Variants in CHN1 observed in about 807,000 individuals in gnomAD.
The protein encoded by CHN1 is chimerin 1.
Under a neutral mutation model 59.5 loss-of-function variants are expected in CHN1, and 37 were observed. The ratio of observed to expected loss-of-function variants is 0.62; its 90% CI spans 0.48 to 0.82. The LOEUF is 0.82. CHN1 is among the 40% of genes least tolerant of loss of function. The probability of loss-of-function intolerance (pLI) is 0.00; values close to 1 mark genes in which losing one functional copy is unlikely to be tolerated. For synonymous variants in CHN1, 206 were observed against 200.4 expected (o/e 1.03, Z -0.24); for missense variants, 469 against 571.0 (o/e 0.82, Z 1.82).
At chr2:174,993,352 T>C (rs1416588242) in intron 1 of CHN1, among the ~76,000 whole-genome samples, 1 of 152,180 alleles carries the variant, frequency 6.6e-6, no homozygotes, top group Non-Finnish European at 1.5e-5. Context: ...ATGATTATCT[T>C]AAATACAATC....
intron 4 of CHN1, 103 bp downstream of exon 4, chr2:174,918,431 C>A: frequency 1.2e-6 from 1 of 835,942 alleles, no homozygotes; most frequent in East Asian, 3.2e-5. Context: ...GCAACTCCAC[C>A]AAACTTGAAT....
intron 5 of CHN1, among the ~76,000 whole-genome samples, chr2:174,898,149 T>C (rs964790508): frequency 2.0e-5 from 3 of 152,100 alleles, no homozygotes; most frequent in African/African-American, 7.2e-5. Context: ...GTCTGGTGCC[T>C]TGCAGCTACC....
chr2:174,970,379 G>T (rs1457674366), intron 1 of CHN1, among the ~76,000 whole-genome samples: 1 of 152,136 alleles, frequency 6.6e-6, no homozygotes, highest in Non-Finnish European at 1.5e-5. Flanking sequence ...TCCAGAATAA[G>T]CAAAGTAAGC....
At chr2:174,946,100 G>C (rs1438830802) in intron 2 of CHN1, among the ~76,000 whole-genome samples, 1 of 151,932 alleles carries the variant, frequency 6.6e-6, no homozygotes, top group Non-Finnish European at 1.5e-5. Context: ...TGAACACTGG[G>C]GCTCTGTCAC....
intron 6 of CHN1, among the ~76,000 whole-genome samples, chr2:174,854,192 ACT>A (rs1406979159): frequency 7.9e-5 from 12 of 152,172 alleles, no homozygotes; most frequent in Non-Finnish European, 4.4e-5. Flanking sequence ...TCATTTTAAT[ACT>A]GTTTTGTTAT....
chr2:174,846,221 G>A, intron 7 of CHN1: 1 of 1,454,450 alleles, frequency 6.9e-7, no homozygotes, highest in Non-Finnish European at 9.1e-7. Context: ...TCTACATACA[G>A]CTTGAATCAA....
intron 4 of CHN1, among the ~76,000 whole-genome samples, chr2:174,916,935 T>C (rs552488434): frequency 6.6e-6 from 1 of 152,356 alleles, no homozygotes; most frequent in African/African-American, 2.4e-5. Context: ...CTCACGCCTG[T>C]AATGCCAGCA....
chr2:174,800,331 T>C, intron 12 of CHN1, 44 bp from the exon 13 acceptor site: 1 of 1,361,642 alleles, frequency 7.3e-7, no homozygotes, highest in South Asian at 2.4e-5. Context: ...GTGTAAGCCA[T>C]ATGTTCTTCA....
At chr2:174,985,675 T>A (rs1356023927) in intron 1 of CHN1, among the ~76,000 whole-genome samples, 2 of 152,186 alleles carry the variant, frequency 1.3e-5, no homozygotes, top group African/African-American at 2.4e-5. Context: ...GTTTTACGGA[T>A]CTTCAACAAA....
At chr2:174,881,441 C>T (rs1687733476) in intron 5 of CHN1, among the ~76,000 whole-genome samples, 1 of 152,110 alleles carries the variant, frequency 6.6e-6, no homozygotes, top group Admixed American at 6.6e-5. Context: ...GGAAATCATT[C>T]GTCAGATTCT....
At chr2:174,846,806 A>G (rs1438309947) in intron 7 of CHN1, 74 bp downstream of exon 7, 10 of 1,329,974 alleles carry the variant, frequency 7.5e-6, no homozygotes, top group Non-Finnish European at 9.1e-6. Context: ...TTAAAAAGAC[A>G]TAAGATATTC....
chr2:174,877,444 T>C (rs994105441), intron 6 of CHN1, among the ~76,000 whole-genome samples: 5 of 152,094 alleles, frequency 3.3e-5, no homozygotes, highest in Non-Finnish European at 7.4e-5. Flanking sequence ...ATTTATAAAG[T>C]AAATTATCTT....
At chr2:174,972,021 C>A (rs564747037) in intron 1 of CHN1, among the ~76,000 whole-genome samples, 1 of 152,112 alleles carries the variant, frequency 6.6e-6, no homozygotes, top group Non-Finnish European at 1.5e-5. Context: ...CACAAGGGCC[C>A]GACAACTATC....
At chr2:174,825,185 TATAG>T (rs1685646716) in intron 7 of CHN1, among the ~76,000 whole-genome samples, 1 of 152,214 alleles carries the variant, frequency 6.6e-6, no homozygotes, top group African/African-American at 2.4e-5. Flanking sequence ...TGAGTGCCCA[TATAG>T]AGTATGTCTT....
intron 5 of CHN1, among the ~76,000 whole-genome samples, chr2:174,914,842 C>CAA (rs577375465): frequency 0.43 from 43,264 of 99,462 alleles, 8,188 homozygotes; most frequent in Admixed American, 0.51. Context: ...AGATTCCATT[C>CAA]AAAAAAAAAA....
chr2:174,930,308 T>G (rs1689298195), intron 3 of CHN1, among the ~76,000 whole-genome samples: 1 of 152,168 alleles, frequency 6.6e-6, no homozygotes, highest in African/African-American at 2.4e-5. Context: ...ACTTGGTGAT[T>G]ATTGCAGAGA....
intron 4 of CHN1, 94 bp from the exon 5 acceptor site, chr2:174,915,265 G>C: frequency 1.1e-6 from 1 of 945,856 alleles, no homozygotes; most frequent in Non-Finnish European, 1.6e-6. Context: ...TTCTCTTGTT[G>C]TTTTCAAGAC....
chr2:174,897,119 C>T (rs1287840655), intron 5 of CHN1, among the ~76,000 whole-genome samples: 1 of 152,074 alleles, frequency 6.6e-6, no homozygotes, highest in Non-Finnish European at 1.5e-5. Context: ...GTATAAAATG[C>T]TGGATAACCA....
chr2:174,801,786 C>A lies in CHN1; in HGVS notation c.1129G>T (p.Glu377Ter), dbSNP rs1427624249. Residue 377 changes from glutamate (E) to a stop codon, truncating the protein, a stop_gained, in exon 12 of 13, where the codon GAA becomes TAA. Transcript: ENST00000409900. LOFTEE classifies it high-confidence loss of function. ...AKIMDPDEQL[E>*]TLHEALKLLP... ...AGTTTCAGTGCTTCATGAAGGGTTTCCAATTGCTCATCCGGATCCATAATT... is the reference window on the plus strand; with the variant it reads ...AGTTTCAGTGCTTCATGAAGGGTTTACAATTGCTCATCCGGATCCATAATT... 6.2e-7 allele frequency: 1 copy of A among 1,613,150 alleles called. No individual in the cohort carries two copies. Among genetic ancestry groups the A allele is most frequent in the South Asian group, 1.1e-5 (1 of 91,064 alleles).
Sources: gnomAD v4.1 joint callset for allele counts (sites outside exome capture counted in the v4.1 genomes callset) on GRCh38, gnomAD v4.1.1 for gene constraint, MANE v1.5 for transcripts, NCBI Gene and HGNC (gene_info 2026-07-23, HGNC 2026-07-21) for gene names.